NKAIN1: variants seen among roughly 807,000 people sequenced by gnomAD.
The protein encoded by NKAIN1 is sodium/potassium transporting ATPase interacting 1.
NKAIN1 carries 13 observed loss-of-function variants against 31.6 expected under a neutral mutation model. The ratio of observed to expected loss-of-function variants is 0.41; its 90% CI spans 0.27 to 0.65. NKAIN1 has a LOEUF of 0.65. NKAIN1 is among the 30% of genes least tolerant of loss of function. NKAIN1 has a pLI of 0.30. For synonymous variants in NKAIN1, 104 were observed against 109.0 expected, an observed-to-expected ratio of 0.95 and a Z score of 0.28; for missense variants, 193 against 262.2, an observed-to-expected ratio of 0.74 and a Z score of 1.82.
At chr1:31,230,883 T>A (rs1024692905) in intron 1 of NKAIN1, among the ~76,000 whole-genome samples, 52 of 147,118 alleles carry the variant, frequency 3.5e-4, no homozygotes, top group Admixed American at 2.7e-3. Context: ...GGGTTATTTT[T>A]TTTTTTTTTT....
chr1:31,229,568 G>A (rs926011050), intron 1 of NKAIN1, among the ~76,000 whole-genome samples: 5 of 151,652 alleles, frequency 3.3e-5, no homozygotes, highest in South Asian at 2.1e-4. Flanking sequence ...TTTTTGAGAC[G>A]GAGTTTCGCT....
chr1:31,195,479 G>T (rs879127334), intron 1 of NKAIN1, among the ~76,000 whole-genome samples: 1 of 151,840 alleles, frequency 6.6e-6, no homozygotes, highest in African/African-American at 2.4e-5. Flanking sequence ...GCTGGCCCCC[G>T]CCACCTGCAC....
intron 2 of NKAIN1, among the ~76,000 whole-genome samples, chr1:31,185,847 G>T (rs561824550): frequency 6.6e-6 from 1 of 152,274 alleles, no homozygotes; most frequent in African/African-American, 2.4e-5. Flanking sequence ...CAGGTGGTAA[G>T]CCACTAGAGG....
intron 1 of NKAIN1, among the ~76,000 whole-genome samples, chr1:31,190,582 G>A (rs1011533892): frequency 1.3e-5 from 2 of 152,142 alleles, no homozygotes; most frequent in African/African-American, 2.4e-5. Context: ...TGTAAATTGT[G>A]GTGGGAAGTC....
chr1:31,185,358 G>A (rs1170522665), intron 2 of NKAIN1, 31 bp from the exon 3 acceptor site: 6 of 1,566,546 alleles, frequency 3.8e-6, no homozygotes, highest in Non-Finnish European at 5.2e-6. Flanking sequence ...ATCAGGGTGG[G>A]GCCTGGGGAG....
rs1351376857 is a variant in NKAIN1, at chr1:31,239,040, A to G, written c.54+454T>C. ...CACGCCGGAGCAGAGACTTTGTGAG[A>G]AACGCTCACACAGGGGTGGTGATCA... On this transcript the variant is annotated intron_variant, in intron 1 of 6. Transcript: ENST00000373736. The surrounding 1 kb of genome is among the most constrained non-coding windows in gnomAD (Gnocchi z 4.8). Among the ~76,000 whole-genome samples the G allele has an allele frequency of 6.6e-6, 1 of 152,136 alleles. No individual in the cohort carries two copies. The highest frequency in any genetic ancestry group is 1.5e-5 in the Non-Finnish European group (1 of 68,014).
intron 1 of NKAIN1, among the ~76,000 whole-genome samples, chr1:31,214,745 G>A (rs549701554): frequency 1.3e-5 from 2 of 152,342 alleles, no homozygotes; most frequent in African/African-American, 2.4e-5. Context: ...GGAGAATCAG[G>A]CAGAGATGAG....
chr1:31,188,615 T>A (rs1224145708), intron 1 of NKAIN1, among the ~76,000 whole-genome samples: 1 of 152,126 alleles, frequency 6.6e-6, no homozygotes, highest in African/African-American at 2.4e-5. Flanking sequence ...AGAGAAGGAA[T>A]GCTTTTCACT....
Position 31,226,670 on chromosome 1 carries a change from G to A in NKAIN1, c.54+12824C>T, listed in dbSNP as rs1467582495. On this transcript the variant is annotated intron_variant, in intron 1 of 6. Transcript: ENST00000373736. ...CTCTGGAGTAGCTGGGATTACAGGC[G>A]TGCACCACCACACCCAGCTAATTTT... Among the ~76,000 whole-genome samples the A allele has an allele frequency of 4.0e-5, 6 of 151,878 alleles. No individual in the cohort carries two copies. In the East Asian group the frequency reaches 5.8e-4, roughly 15 times the overall value.
In NKAIN1 at chr1:31,182,057, G is replaced by C. The variant is rs182813640; in HGVS notation, c.533-116C>G. 253 of 1,027,400 alleles carry C rather than the reference G, an allele frequency of 2.5e-4. 1 individual carries two copies. The African/African-American group carries it at 3.5e-3, about 14-fold the overall frequency. The allele number at this position is 1,027,400 out of a possible 1,614,324, so 63.6% of individuals were successfully genotyped here. On this transcript the variant is annotated intron_variant, in intron 5 of 6. Coordinates refer to ENST00000373736, the MANE Select transcript of NKAIN1 (RefSeq NM_024522.3). ...ACTCCCACCCTAGGAAGCGGAGCCA[G>C]AGAAGCCATGAGGAGGGGAGGGGCG...
chr1:31,194,114 G>A (rs1480033567), intron 1 of NKAIN1, among the ~76,000 whole-genome samples: 2 of 152,126 alleles, frequency 1.3e-5, no homozygotes, highest in African/African-American at 4.8e-5. Flanking sequence ...CTGATCTCCC[G>A]CCAGGGGAAG....
intron 1 of NKAIN1, among the ~76,000 whole-genome samples, chr1:31,238,253 T>C (rs1412094614): frequency 6.6e-6 from 1 of 151,922 alleles, no homozygotes; most frequent in Non-Finnish European, 1.5e-5. Flanking sequence ...AATGAGGAGG[T>C]CTGCATGTCC....
At chr1:31,192,457 AG>A (rs1273498861) in intron 1 of NKAIN1, among the ~76,000 whole-genome samples, 2 of 152,046 alleles carry the variant, frequency 1.3e-5, no homozygotes, top group East Asian at 3.9e-4. Flanking sequence ...TTAGTAGAGG[AG>A]GGGAAGGAAA....
At chr1:31,223,628 T>A (rs1645580545) in intron 1 of NKAIN1, among the ~76,000 whole-genome samples, 1 of 152,090 alleles carries the variant, frequency 6.6e-6, no homozygotes, top group Non-Finnish European at 1.5e-5. Context: ...GTATTTTTAG[T>A]AGAGACGGGG....
intron 1 of NKAIN1, among the ~76,000 whole-genome samples, chr1:31,214,779 G>A (rs142559732): frequency 1.3e-5 from 2 of 152,354 alleles, no homozygotes; most frequent in East Asian, 3.9e-4. Flanking sequence ...GTCCTGTGGA[G>A]GGAGGGAGAT....
chr1:31,206,258 T>TAAATAAATAAATAAATAAATAAATA lies in NKAIN1; in HGVS notation c.55-18072_55-18071insTATTTATTTATTTATTTATTTATTT, dbSNP rs1645423243. On this transcript the variant is annotated intron_variant, in intron 1 of 6. Transcript: ENST00000373736. The stretch of plus-strand genomic sequence containing the variant: ...CTCAAAAATAAATAAATAAATAAAA[T>TAAATAAATAAATAAATAAATAAATA]AAAAATAAATAAACTCTCTGGTTTA... Among the ~76,000 whole-genome samples the TAAATAAATAAATAAATAAATAAATA allele has an allele frequency of 1.4e-4, 4 of 29,162 alleles. No individual in the cohort carries two copies. In the South Asian group the frequency reaches 3.7e-3, roughly 27 times the overall value. The allele number at this position is 29,162 out of a possible 152,430, so 19.1% of individuals were successfully genotyped here. A position where few individuals can be genotyped will look rare whatever the true frequency, so the allele number is the denominator to read the frequency against.
intron 1 of NKAIN1, among the ~76,000 whole-genome samples, chr1:31,232,095 G>T (rs6702413): frequency 0.98 from 145,738 of 149,258 alleles, 71,247 homozygotes; most frequent in East Asian, 1. Context: ...TTACCTTTTT[G>T]TTTTTCTTTT....
intron 3 of NKAIN1, 94 bp downstream of exon 3, chr1:31,185,153 A>C: frequency 1.1e-6 from 1 of 948,632 alleles, no homozygotes; most frequent in East Asian, 2.6e-5. Flanking sequence ...CTTCTTCGAG[A>C]CATGATGCTC....
At chr1:31,203,256 T>G (rs1209743028) in intron 1 of NKAIN1, among the ~76,000 whole-genome samples, 1 of 149,776 alleles carries the variant, frequency 6.7e-6, no homozygotes, top group Non-Finnish European at 1.5e-5. Flanking sequence ...CAGAGCGAGA[T>G]TCCATCTCAA....
Sources: gnomAD v4.1 joint callset for allele counts (sites outside exome capture counted in the v4.1 genomes callset) on GRCh38, gnomAD v4.1.1 for gene constraint, Gnocchi (gnomAD v3.1) non-coding constraint, MANE v1.5 for transcripts, NCBI Gene and HGNC (gene_info 2026-07-23, HGNC 2026-07-21) for gene names.